Variants in CHUK observed in about 807,000 individuals in gnomAD.
CHUK encodes the protein component of inhibitor of nuclear factor kappa B kinase complex, also known as inhibitor of nuclear factor kappa-B kinase subunit alpha.
CHUK carries 35 observed loss-of-function variants against 104.8 expected under a neutral mutation model. The observed-to-expected ratio is 0.33, with a 90% confidence interval of 0.26 to 0.44. CHUK has a LOEUF of 0.44. Ranked by LOEUF, CHUK falls within the 20% of genes least tolerant of loss-of-function variation. The probability of loss-of-function intolerance (pLI) is 1.00; values close to 1 mark genes in which losing one functional copy is unlikely to be tolerated. For synonymous variants in CHUK, 276 were observed against 291.9 expected, an observed-to-expected ratio of 0.95 and a Z score of 0.56; for missense variants, 663 against 902.7, an observed-to-expected ratio of 0.73 and a Z score of 3.40.
At chr10:100,228,169 T>C (rs1355981945) in intron 1 of CHUK, among the ~76,000 whole-genome samples, 2 of 152,240 alleles carry the variant, frequency 1.3e-5, no homozygotes, top group Non-Finnish European at 2.9e-5. Context: ...CATGTAATTA[T>C]TATACTATAC....
At chr10:100,197,945 T>C (rs529289756) in intron 16 of CHUK, among the ~76,000 whole-genome samples, 47 of 152,360 alleles carry the variant, frequency 3.1e-4, no homozygotes, top group Non-Finnish European at 5.4e-4. Flanking sequence ...TGCAAACCTT[T>C]CTGATATCAC....
chr10:100,191,004 G>C, intron 19 of CHUK, 36 bp from the exon 20 acceptor site: 2 of 1,225,998 alleles, frequency 1.6e-6, no homozygotes, highest in African/African-American at 3.0e-5. Context: ...TTCAAACTCA[G>C]GAAAAGGGCA....
At chr10:100,220,130 T>C (rs1845951664) in intron 5 of CHUK, among the ~76,000 whole-genome samples, 3 of 152,196 alleles carry the variant, frequency 2.0e-5, no homozygotes, top group Admixed American at 2.0e-4. Context: ...CTCATTTAAA[T>C]TGGGGGAAGG....
At chr10:100,225,492 T>C (rs1846084073) in intron 2 of CHUK, among the ~76,000 whole-genome samples, 1 of 152,248 alleles carries the variant, frequency 6.6e-6, no homozygotes, top group African/African-American at 2.4e-5. Context: ...TGTTTATACA[T>C]GTCTCTGCTG....
intron 19 of CHUK, chr10:100,192,713 G>T: frequency 1.0e-6 from 1 of 987,320 alleles, no homozygotes; most frequent in Non-Finnish European, 1.2e-6. Context: ...TAACAGAAAT[G>T]GATAGTCATT....
chr10:100,210,091 A>ATTTTTTT (rs11436816), intron 9 of CHUK, among the ~76,000 whole-genome samples: 2 of 121,830 alleles, frequency 1.6e-5, no homozygotes, highest in South Asian at 2.3e-4. Context: ...TTATTTATTT[A>ATTTTTTT]TTTTTTTTTT....
Position 100,194,019 on chromosome 10 carries a change from G to C in CHUK, c.1939C>G (p.Gln647Glu), listed in dbSNP as rs1845265935. Reference sequence around the variant, plus strand: ...TTAAGGAGATGCCATATTTCTTTCTGCCTTTTTCCCTGCATGAACATGACA... The same window carrying C: ...TTAAGGAGATGCCATATTTCTTTCTCCCTTTTTCCCTGCATGAACATGACA... ...NTVMFMQGKR[Q>E]KEIWHLLKIA... Residue 647 changes from glutamine to glutamate, a missense_variant, in exon 18 of 21, where the codon CAG becomes GAG. Gln to Glu is a conservative substitution (Grantham distance 29). This residue lies in a region of CHUK where 311 missense variants were observed against 393.4 expected (regional missense o/e 0.79). Transcript: ENST00000370397. 1 of 1,613,704 alleles carries C rather than the reference G, an allele frequency of 6.2e-7. No individual in the cohort carries two copies. Among genetic ancestry groups the C allele is most frequent in the African/African-American group, 1.3e-5 (1 of 75,024 alleles).
Position 100,189,531 on chromosome 10 carries a change from A to T in CHUK, c.*67T>A, listed in dbSNP as rs1845145650. 5 of 1,297,288 alleles carry T rather than the reference A, an allele frequency of 3.9e-6. No homozygotes were observed. The highest frequency in any genetic ancestry group is 5.6e-6 in the Non-Finnish European group (5 of 890,942). The allele number at this position is 1,297,288 out of a possible 1,614,324, so 80.4% of individuals were successfully genotyped here. On this transcript the variant is annotated 3_prime_UTR_variant, in exon 21 of 21. Transcript: ENST00000370397. ...TGTCTGAAGAATGGTTTCATGGGGGAAAAACACATTTCCAACATGTATAGC... is the reference window on the plus strand; with the variant it reads ...TGTCTGAAGAATGGTTTCATGGGGGTAAAACACATTTCCAACATGTATAGC...
chr10:100,190,886 G>C lies in CHUK; in HGVS notation c.2191C>G (p.Gln731Glu). 4.4e-6 allele frequency: 7 copies of C among 1,604,870 alleles called. No homozygotes were observed. Among genetic ancestry groups the C allele is most frequent in the Non-Finnish European group, 6.0e-6 (7 of 1,171,546 alleles). ...AAACTTACCATCATACTATTGCCCT[G>C]TTCCTCATTTGCCTCATGAATAATA... ...STIIHEANEE[Q>E]GNSMMNLDWS... Residue 731 changes from glutamine to glutamate, a missense_variant, in exon 20 of 21, where the codon CAG becomes GAG. This residue lies in a region of CHUK where 311 missense variants were observed against 393.4 expected (regional missense o/e 0.79). Transcript: ENST00000370397.
intron 9 of CHUK, among the ~76,000 whole-genome samples, chr10:100,211,330 A>C (rs961578638): frequency 1.1e-4 from 16 of 152,212 alleles, no homozygotes; most frequent in African/African-American, 3.6e-4. Context: ...TATTTGAGTT[A>C]TACAACTTGA....
chr10:100,227,580 T>C (rs528969686), intron 1 of CHUK, among the ~76,000 whole-genome samples: 2 of 152,116 alleles, frequency 1.3e-5, no homozygotes, highest in South Asian at 4.2e-4. Context: ...ATGTTCCCTC[T>C]GATGGTGAGA....
chr10:100,204,137 C>T (rs1845534677), intron 13 of CHUK, among the ~76,000 whole-genome samples: 1 of 152,220 alleles, frequency 6.6e-6, no homozygotes, highest in South Asian at 2.1e-4. Flanking sequence ...CCAACACCTT[C>T]ACCTTCAGGG....
chr10:100,221,576 A>T (rs1375302205), intron 4 of CHUK, among the ~76,000 whole-genome samples: 1 of 152,172 alleles, frequency 6.6e-6, no homozygotes, highest in African/African-American at 2.4e-5. Context: ...TTTGTCAGCT[A>T]TTGGAACATC....
At chr10:100,210,091 A>ATTTTTTTTTTTTT (rs11436816) in intron 9 of CHUK, among the ~76,000 whole-genome samples, 1 of 121,802 alleles carries the variant, frequency 8.2e-6, no homozygotes, top group African/African-American at 3.0e-5. Context: ...TTATTTATTT[A>ATTTTTTTTTTTTT]TTTTTTTTTT....
intron 19 of CHUK, chr10:100,193,081 T>A (rs1845241338): frequency 1.7e-6 from 1 of 583,940 alleles, no homozygotes; most frequent in South Asian, 1.9e-5. Flanking sequence ...CATTGTCTAA[T>A]CAAATTTCCA....
Position 100,229,495 on chromosome 10 carries a change from C to CCGCCCG in CHUK, c.32_37dup (p.Ala11_Gly12dup), listed in dbSNP as rs777121906. The CCGCCCG allele has an allele frequency of 7.0e-6, 11 of 1,578,012 alleles. 1 individual carries two copies. In the South Asian group the frequency reaches 1.2e-4, roughly 18 times the overall value. ...CAGCCGCTCCCGCATCTCCCAGGGC[C>CCGCCCG]CGCCCGCGCCCGGCCGCAGCCCCGG... On this transcript the variant is annotated inframe_insertion, in exon 1 of 21. Transcript: ENST00000370397.
In CHUK at chr10:100,202,264, C is replaced by T. The variant is rs914247862; in HGVS notation, c.1508-115G>A. On this transcript the variant is annotated intron_variant, in intron 13 of 20. Transcript: ENST00000370397. ...TGTGTTATGAGTTGAATTGTGGTCCCCCAAAAGATATGTGGAATTCCTAAC... is the reference window on the plus strand; with the variant it reads ...TGTGTTATGAGTTGAATTGTGGTCCTCCAAAAGATATGTGGAATTCCTAAC... The T allele has an allele frequency of 8.0e-6, 6 of 745,930 alleles. 1 individual carries two copies. The highest frequency in any genetic ancestry group is 3.5e-5 in the African/African-American group (2 of 57,956). 46.2% of individuals were successfully genotyped at this position (745,930 alleles called of 1,614,324 possible).
chr10:100,190,979 A>T lies in CHUK; in HGVS notation c.2109-11T>A. 6.6e-7 allele frequency: 1 copy of T among 1,504,632 alleles called. No individual in the cohort carries two copies. Among genetic ancestry groups the T allele is most frequent in the Non-Finnish European group, 9.3e-7 (1 of 1,080,120 alleles). 93.2% of individuals were successfully genotyped at this position (1,504,632 alleles called of 1,614,324 possible). A position where few individuals can be genotyped will look rare whatever the true frequency, so the allele number is the denominator to read the frequency against. On this transcript the variant is annotated splice_polypyrimidine_tract_variant and intron_variant, in intron 19 of 20. Coordinates refer to ENST00000370397, the MANE Select transcript of CHUK (RefSeq NM_001278.5). Reference sequence around the variant, plus strand: ...TGTGCTGAAGTCTCCCTGTGAGATGAAAGAACAAAGCCTTTTCAAACTCAG... The same window carrying T: ...TGTGCTGAAGTCTCCCTGTGAGATGTAAGAACAAAGCCTTTTCAAACTCAG...
chr10:100,208,889 T>C lies in CHUK; in HGVS notation c.1128+706A>G, dbSNP rs576777269. Among the ~76,000 whole-genome samples the C allele has an allele frequency of 2.0e-5, 3 of 149,312 alleles. No individual in the cohort carries two copies. The South Asian group carries it at 6.3e-4, about 31-fold the overall frequency. The stretch of plus-strand genomic sequence containing the variant: ...GCCTTTCCCAGGCCTAAAAGCAAAA[T>C]AACAAAGGAATTCTTAACAGGACCC... On this transcript the variant is annotated intron_variant, in intron 10 of 20. Transcript: ENST00000370397.
Sources: allele counts gnomAD v4.1 joint callset (sites outside exome capture counted in the v4.1 genomes callset), GRCh38; gene constraint gnomAD v4.1.1; regional missense constraint gnomAD v4.1.1; transcripts MANE v1.5; gene names NCBI Gene and HGNC (gene_info 2026-07-23, HGNC 2026-07-21).